The following GPBP1L1 variants were observed in gnomAD, a reference collection of about 807,000 sequenced individuals.
The protein encoded by GPBP1L1 is GC-rich promoter binding protein 1 like 1.
In GPBP1L1, 23 loss-of-function variants were observed where a neutral mutation model predicts 52.5. The ratio of observed to expected loss-of-function variants is 0.44; its 90% CI spans 0.32 to 0.62. GPBP1L1 has a LOEUF of 0.62. Ranked by LOEUF, GPBP1L1 falls within the 20% of genes least tolerant of loss-of-function variation. The pLI is 0.06. For missense variants in GPBP1L1, 596 were observed against 579.3 expected (o/e 1.03, Z -0.30); for synonymous variants, 243 against 203.1 (o/e 1.20, Z -1.67).
At chr1:45,648,631 G>C (rs1380798865) in intron 6 of GPBP1L1, among the ~76,000 whole-genome samples, 6 of 152,170 alleles carry the variant, frequency 3.9e-5, no homozygotes, top group African/African-American at 1.4e-4. Flanking sequence ...ATCCCTTTAC[G>C]GGTATGTGGG....
chr1:45,657,389 A>C (rs186345563), intron 4 of GPBP1L1, among the ~76,000 whole-genome samples: 1 of 152,240 alleles, frequency 6.6e-6, no homozygotes, highest in Non-Finnish European at 1.5e-5. Context: ...ACAAAAAATT[A>C]GCTGGGAGTG....
rs145920484 is a variant in GPBP1L1 at position 45,670,065 on chromosome 1, G to A, written c.-1097-8840C>T. ...GGGCAGTACATCTTCAACTTCACAA[G>A]GTAATGTCATAATACTTCTGAACAA... is the stretch of plus-strand genomic sequence containing the variant. On this transcript the variant is annotated intron_variant, in intron 2 of 12. Transcript: ENST00000355105. Among the ~76,000 whole-genome samples the A allele has an allele frequency of 1.3e-3, 202 of 152,306 alleles. 2 individuals carry two copies. The highest frequency in any genetic ancestry group is 4.1e-3 in the African/African-American group (170 of 41,560).
At chr1:45,629,088 G>C (rs981076792) in intron 12 of GPBP1L1, among the ~76,000 whole-genome samples, 2 of 152,196 alleles carry the variant, frequency 1.3e-5, no homozygotes, top group Non-Finnish European at 2.9e-5. Context: ...GATTTTTATA[G>C]AAACCCCATT....
chr1:45,671,074 G>T lies in GPBP1L1; in HGVS notation c.-1097-9849C>A, dbSNP rs551254278. On this transcript the variant is annotated intron_variant, in intron 2 of 12. Coordinates refer to ENST00000355105, the MANE Select transcript of GPBP1L1 (RefSeq NM_021639.5). ...CTCCCAAAGTGCTGGGATTACAGGCGTGAGCCACCGCGCCCGGACTACCAT... is the reference window on the plus strand; with the variant it reads ...CTCCCAAAGTGCTGGGATTACAGGCTTGAGCCACCGCGCCCGGACTACCAT... Among the ~76,000 whole-genome samples, 3 of 151,620 alleles carry T rather than the reference G, an allele frequency of 2.0e-5. No individual in the cohort carries two copies. The South Asian group carries it at 6.3e-4, about 32-fold the overall frequency.
At chr1:45,685,302 T>G (rs1645266140) in intron 2 of GPBP1L1, among the ~76,000 whole-genome samples, 1 of 152,176 alleles carries the variant, frequency 6.6e-6, no homozygotes, top group Non-Finnish European at 1.5e-5. Flanking sequence ...ACCAATCACT[T>G]TACTTTTGGA....
At chr1:45,687,137 TGCGTCGGCC>T (rs1645300824), upstream of GPBP1L1, 1 of 152,228 alleles carries the variant, frequency 6.6e-6, no homozygotes, top group Admixed American at 6.5e-5. Context: ...GCTGCGCGGC[TGCGTCGGCC>T]GCGCTACCCG....
chr1:45,657,389 A>G (rs186345563), intron 4 of GPBP1L1, among the ~76,000 whole-genome samples: 2 of 152,240 alleles, frequency 1.3e-5, no homozygotes, highest in African/African-American at 4.8e-5. Flanking sequence ...ACAAAAAATT[A>G]GCTGGGAGTG....
chr1:45,664,711 C>T (rs941983440), intron 2 of GPBP1L1, among the ~76,000 whole-genome samples: 9 of 152,056 alleles, frequency 5.9e-5, no homozygotes, highest in East Asian at 3.9e-4. Context: ...GGTCTTACTT[C>T]GTGACCCTGG....
At chr1:45,676,710 CAAA>C (rs1189531708) in intron 2 of GPBP1L1, among the ~76,000 whole-genome samples, 1 of 63,262 alleles carries the variant, frequency 1.6e-5, no homozygotes, top group African/African-American at 5.5e-5. Flanking sequence ...AACTCTGTCT[CAAA>C]AAAAAAAAAA....
chr1:45,679,190 T>A (rs1391213685), intron 2 of GPBP1L1, among the ~76,000 whole-genome samples: 2 of 106,474 alleles, frequency 1.9e-5, no homozygotes, highest in African/African-American at 7.4e-5. Flanking sequence ...GAAAATTGTC[T>A]GACAAGTTTA....
upstream of GPBP1L1, chr1:45,686,731 G>A (rs1007665908): frequency 2.0e-5 from 3 of 152,374 alleles, no homozygotes; most frequent in African/African-American, 4.8e-5. Context: ...CGGCGGTTAT[G>A]CCCTGCCCCG....
chr1:45,633,968 TAAAG>T, intron 9 of GPBP1L1, 124 bp downstream of exon 9: 1 of 1,093,576 alleles, frequency 9.1e-7, no homozygotes, highest in South Asian at 1.8e-5. Flanking sequence ...AAAACATCAA[TAAAG>T]AAACTATTCT....
At chr1:45,631,649 G>A (rs925580297) in intron 10 of GPBP1L1, among the ~76,000 whole-genome samples, 3 of 152,338 alleles carry the variant, frequency 2.0e-5, no homozygotes, top group Non-Finnish European at 4.4e-5. Context: ...AGACAGTGTA[G>A]TTGCTCACAC....
At position 45,628,020 on chromosome 1, in the gene GPBP1L1, G is replaced by GTA. The variant is rs1557690415; in HGVS notation, c.*235_*236insTA. The GTA allele has an allele frequency of 4.5e-5, 21 of 465,430 alleles. 1 individual carries two copies. Among genetic ancestry groups the GTA allele is most frequent in the East Asian group, 1.2e-4 (3 of 24,578 alleles). 28.8% of individuals were successfully genotyped at this position (465,430 alleles called of 1,614,324 possible). On this transcript the variant is annotated 3_prime_UTR_variant, in exon 13 of 13. Coordinates refer to ENST00000355105, the MANE Select transcript of GPBP1L1 (RefSeq NM_021639.5). The stretch of plus-strand genomic sequence containing the variant: ...ACTGGGTGTGTATGTGTGTGTGTGT[G>GTA]TGAGTGTGTTTAAAAAATCTGTCCC...
intron 2 of GPBP1L1, among the ~76,000 whole-genome samples, chr1:45,674,574 C>CA (rs1178928202): frequency 1.3e-5 from 2 of 152,170 alleles, no homozygotes; most frequent in Non-Finnish European, 2.9e-5. Flanking sequence ...GAAAGCAACT[C>CA]AACAGAAACC....
chr1:45,685,644 A>C (rs539489468), intron 1 of GPBP1L1, 24 bp from the exon 2 acceptor site: 1 of 152,378 alleles, frequency 6.6e-6, no homozygotes, highest in East Asian at 1.9e-4. Context: ...AAATATCAAA[A>C]GATTCAGTTA....
At chr1:45,653,639 C>G (rs569440710) in intron 6 of GPBP1L1, among the ~76,000 whole-genome samples, 7 of 151,994 alleles carry the variant, frequency 4.6e-5, no homozygotes, top group Non-Finnish European at 7.4e-5. Flanking sequence ...GGATTACAGG[C>G]ATGAGCCACT....
At chr1:45,663,066 C>CAAAAAAAAAAAAAAAAAAAAA (rs1644966043) in intron 2 of GPBP1L1, among the ~76,000 whole-genome samples, 1 of 100,460 alleles carries the variant, frequency 1.0e-5, no homozygotes, top group Non-Finnish European at 2.2e-5. Context: ...AAAAAAAAAG[C>CAAAAAAAAAAAAAAAAAAAAA]AAAAAACCCC....
rs1644470925 is a variant in GPBP1L1, at chr1:45,627,586, ATGT to A, written c.*667_*669del. The A allele has an allele frequency of 1.3e-5, 2 of 152,606 alleles. No individual in the cohort carries two copies. The highest frequency in any genetic ancestry group is 4.8e-5 in the African/African-American group (2 of 41,436). The allele number at this position is 152,606 out of a possible 1,614,324, so 9.5% of individuals were successfully genotyped here. A position where few individuals can be genotyped will look rare whatever the true frequency, so the allele number is the denominator to read the frequency against. On this transcript the variant is annotated 3_prime_UTR_variant, in exon 13 of 13. Coordinates refer to ENST00000355105, the MANE Select transcript of GPBP1L1 (RefSeq NM_021639.5). ...ACCACATCTTTTAAATCTGTAAATA[ATGT>A]TATCAAAATAATCTTAATCTTTGAA...
Sources: gnomAD v4.1 joint callset for allele counts (sites outside exome capture counted in the v4.1 genomes callset) on GRCh38, gnomAD v4.1.1 for gene constraint, MANE v1.5 for transcripts, NCBI Gene and HGNC (gene_info 2026-07-23, HGNC 2026-07-21) for gene names.